The following SORCS3 variants were observed in gnomAD, a reference collection of about 807,000 sequenced individuals.
The protein encoded by SORCS3 is sortilin related VPS10 domain containing receptor 3, also known as VPS10 domain-containing receptor SorCS3.
Under a neutral mutation model 146.3 loss-of-function variants are expected in SORCS3, and 57 were observed. That is an observed-to-expected ratio of 0.39 (90% CI 0.31 to 0.49). The LOEUF (loss-of-function observed/expected upper bound fraction) is 0.49, where lower values mean the gene tolerates loss of function less well. Among genes scored for constraint, SORCS3 ranks in the 20% least tolerant of loss-of-function variants. The pLI is 0.92. For synonymous variants in SORCS3, 653 were observed against 618.5 expected, an observed-to-expected ratio of 1.06 and a Z score of -0.83; for missense variants, 1,341 against 1,575.5, an observed-to-expected ratio of 0.85 and a Z score of 2.52.
chr10:105,047,402 C>T (rs529327423), intron 5 of SORCS3, among the ~76,000 whole-genome samples: 58 of 152,204 alleles, frequency 3.8e-4, no homozygotes, highest in African/African-American at 1.3e-3. Context: ...TTCCCTCCTC[C>T]GCTCCTTAAT....
chr10:104,840,088 G>A (rs965789751), intron 1 of SORCS3, among the ~76,000 whole-genome samples: 2 of 152,176 alleles, frequency 1.3e-5, no homozygotes, highest in Non-Finnish European at 2.9e-5. Context: ...TTTGTGGGGT[G>A]TGGGCTTGGC....
chr10:105,119,115 G>A (rs1160785945), intron 7 of SORCS3, among the ~76,000 whole-genome samples: 1 of 152,196 alleles, frequency 6.6e-6, no homozygotes, highest in Non-Finnish European at 1.5e-5. Flanking sequence ...GCTGTGTGCA[G>A]CCTGGAAACT....
chr10:104,722,786 C>T (rs564199624), intron 1 of SORCS3, among the ~76,000 whole-genome samples: 1 of 152,198 alleles, frequency 6.6e-6, no homozygotes, highest in Non-Finnish European at 1.5e-5. Flanking sequence ...ATAGTATTCT[C>T]TGATGGTAGT....
At chr10:105,236,360 C>T (rs1050587583) in intron 20 of SORCS3, among the ~76,000 whole-genome samples, 3 of 152,060 alleles carry the variant, frequency 2.0e-5, no homozygotes, top group Admixed American at 6.6e-5. Flanking sequence ...CTGGAGGTTA[C>T]ATAATCTAAA....
intron 1 of SORCS3, among the ~76,000 whole-genome samples, chr10:104,827,804 C>T (rs1275444407): frequency 1.3e-5 from 2 of 152,210 alleles, no homozygotes; most frequent in Non-Finnish European, 2.9e-5. Flanking sequence ...ATTAATGATG[C>T]AAGGTAGATC....
chr10:104,748,046 C>T (rs1308892508), intron 1 of SORCS3, among the ~76,000 whole-genome samples: 1 of 152,224 alleles, frequency 6.6e-6, no homozygotes, highest in Non-Finnish European at 1.5e-5. Context: ...CAGTAGCTAG[C>T]ATGTAGTAAG....
At chr10:105,231,861 G>A (rs901298865) in intron 20 of SORCS3, among the ~76,000 whole-genome samples, 3 of 152,046 alleles carry the variant, frequency 2.0e-5, no homozygotes, top group African/African-American at 7.2e-5. Flanking sequence ...TCTCATAGTG[G>A]TTATGTAGTA....
intron 19 of SORCS3, among the ~76,000 whole-genome samples, chr10:105,219,136 C>G (rs1359978132): frequency 6.6e-6 from 1 of 152,190 alleles, no homozygotes; most frequent in Non-Finnish European, 1.5e-5. Flanking sequence ...TTTGGTGATT[C>G]ACTAGGCATA....
intron 11 of SORCS3, 137 bp from the exon 12 acceptor site, chr10:105,164,166 C>A: frequency 1.5e-6 from 1 of 660,806 alleles, no homozygotes; most frequent in South Asian, 1.8e-5. Flanking sequence ...TTTGATATGA[C>A]ACCAGAAAAG....
chr10:105,069,824 G>A (rs1035079099), intron 5 of SORCS3, among the ~76,000 whole-genome samples: 2 of 152,120 alleles, frequency 1.3e-5, no homozygotes, highest in Non-Finnish European at 2.9e-5. Context: ...ACTTGACAGA[G>A]GTCAGCCATC....
intron 19 of SORCS3, among the ~76,000 whole-genome samples, chr10:105,219,019 A>G (rs921746496): frequency 6.6e-6 from 1 of 151,972 alleles, no homozygotes; most frequent in Admixed American, 6.5e-5. Context: ...CGTCTCAAAA[A>G]AAAATATATA....
chr10:105,145,753 G>T (rs1361958431), intron 8 of SORCS3, among the ~76,000 whole-genome samples: 4 of 152,100 alleles, frequency 2.6e-5, no homozygotes, highest in African/African-American at 7.2e-5. Context: ...TACAAGGTGT[G>T]TAAGCACAAA....
In SORCS3 at chr10:105,113,593, G is replaced by C. The variant is rs529481304; in HGVS notation, c.1212+8078G>C. Among the ~76,000 whole-genome samples the C allele has an allele frequency of 1.2e-3, 184 of 152,196 alleles. 1 individual carries two copies. Among genetic ancestry groups the C allele is most frequent in the African/African-American group, 4.1e-3 (172 of 41,530 alleles). On this transcript the variant is annotated intron_variant, in intron 7 of 26. Coordinates refer to ENST00000369701, the MANE Select transcript of SORCS3 (RefSeq NM_014978.3). ...GAAGGGTCCATAAACCACCCACACAGCTCCTACTATTTAGAGAGACCTGGA... is the reference window on the plus strand; with the variant it reads ...GAAGGGTCCATAAACCACCCACACACCTCCTACTATTTAGAGAGACCTGGA...
At chr10:104,717,907 G>A (rs1392969185) in intron 1 of SORCS3, among the ~76,000 whole-genome samples, 1 of 152,120 alleles carries the variant, frequency 6.6e-6, no homozygotes, top group South Asian at 2.1e-4. Flanking sequence ...TTGAGAGGCC[G>A]AGGCAGGTGG....
At chr10:104,728,061 A>G (rs549044724) in intron 1 of SORCS3, among the ~76,000 whole-genome samples, 2 of 149,126 alleles carry the variant, frequency 1.3e-5, no homozygotes, top group Non-Finnish European at 3.0e-5. Context: ...CTATCTATCT[A>G]TCTATCTATC....
At chr10:104,708,761 T>C (rs1204862562) in intron 1 of SORCS3, among the ~76,000 whole-genome samples, 1 of 152,224 alleles carries the variant, frequency 6.6e-6, no homozygotes, top group East Asian at 1.9e-4. Flanking sequence ...CTCTCTTTCC[T>C]TTGGATAATA....
chr10:105,016,150 TATA>T (rs2055165245), intron 4 of SORCS3, among the ~76,000 whole-genome samples: 2 of 110,472 alleles, frequency 1.8e-5, no homozygotes, highest in African/African-American at 1.0e-4. Context: ...TATATATATA[TATA>T]TATTTTTTTT....
At chr10:104,747,380 G>A (rs535107869) in intron 1 of SORCS3, among the ~76,000 whole-genome samples, 18 of 152,292 alleles carry the variant, frequency 1.2e-4, no homozygotes, top group Non-Finnish European at 2.2e-4. Flanking sequence ...AACATGGGTA[G>A]AATGAGGGTC....
intron 2 of SORCS3, among the ~76,000 whole-genome samples, chr10:104,858,796 T>TA (rs1253160893): frequency 6.6e-6 from 1 of 151,934 alleles, no homozygotes; most frequent in East Asian, 1.9e-4. Flanking sequence ...TAATTTTTTG[T>TA]GTTTTTAGTA....
Sources: gnomAD v4.1 joint callset for allele counts (sites outside exome capture counted in the v4.1 genomes callset) on GRCh38, gnomAD v4.1.1 for gene constraint, MANE v1.5 for transcripts, NCBI Gene and HGNC (gene_info 2026-07-23, HGNC 2026-07-21) for gene names.